VTI1A: variants seen among roughly 807,000 people sequenced by gnomAD.
The protein encoded by VTI1A is vesicle transport through interaction with t-SNAREs 1A.
In VTI1A, 22 loss-of-function variants were observed where a neutral mutation model predicts 34.9. The observed-to-expected ratio is 0.63, with a 90% CI of 0.45 to 0.90. The LOEUF is 0.90. Among genes scored for constraint, VTI1A ranks in the 40% least tolerant of loss-of-function variants. The pLI, the probability that VTI1A is intolerant of heterozygous loss-of-function variation, is 0.00. For missense variants in VTI1A, 268 were observed against 275.6 expected (o/e 0.97, Z 0.20); for synonymous variants, 87 against 97.3 (o/e 0.89, Z 0.62).
At chr10:112,768,534 T>C (rs934469485) in intron 7 of VTI1A, among the ~76,000 whole-genome samples, 1 of 152,200 alleles carries the variant, frequency 6.6e-6, no homozygotes, top group South Asian at 2.1e-4. Context: ...CTTTTTTGCA[T>C]GTTTCCACCC....
Position 112,576,423 on chromosome 10 carries a change from G to T in VTI1A, c.427+38093G>T, listed in dbSNP as rs557785164. Among the ~76,000 whole-genome samples the T allele has an allele frequency of 1.1e-4, 16 of 152,278 alleles. No homozygotes were observed. The East Asian group carries it at 3.1e-3, about 29-fold the overall frequency. ...TTTCTAAGTACCTCCTAGGAGCCAG[G>T]CACTGTGCTAACATTCAGGAAACAC... On this transcript the variant is annotated intron_variant, in intron 5 of 7. Transcript: ENST00000393077.
intron 5 of VTI1A, among the ~76,000 whole-genome samples, chr10:112,570,503 A>G (rs1316433216): frequency 2.6e-5 from 4 of 152,242 alleles, no homozygotes; most frequent in African/African-American, 4.8e-5. Context: ...TATCAAATGT[A>G]TTTTAGATGA....
At chr10:112,713,527 A>G (rs1590104405) in intron 7 of VTI1A, among the ~76,000 whole-genome samples, 1 of 152,154 alleles carries the variant, frequency 6.6e-6, no homozygotes, top group East Asian at 1.9e-4. Flanking sequence ...AACTTGCTCA[A>G]ACTCACACAA....
chr10:112,538,110 G>C, intron 4 of VTI1A, 136 bp from the exon 5 acceptor site: 4 of 665,706 alleles, frequency 6.0e-6, no homozygotes, highest in South Asian at 5.9e-5. Context: ...TGGAAAATTT[G>C]CTAAAAATTA....
chr10:112,679,515 G>T (rs1358963505), intron 7 of VTI1A, among the ~76,000 whole-genome samples: 1 of 151,574 alleles, frequency 6.6e-6, no homozygotes. Flanking sequence ...TAACCTCAGT[G>T]TTCTTTTAAA....
chr10:112,715,212 A>C (rs1178247131), intron 7 of VTI1A, among the ~76,000 whole-genome samples: 3 of 152,142 alleles, frequency 2.0e-5, no homozygotes, highest in Admixed American at 2.0e-4. Flanking sequence ...AATATGAAAA[A>C]CCACAAATTA....
chr10:112,798,796 A>C (rs984939407), intron 7 of VTI1A, among the ~76,000 whole-genome samples: 5 of 152,172 alleles, frequency 3.3e-5, no homozygotes, highest in African/African-American at 1.2e-4. Flanking sequence ...GCAACCCTAC[A>C]AGGCTGCCTT....
chr10:112,472,042 T>C (rs1848108696), intron 3 of VTI1A, among the ~76,000 whole-genome samples: 1 of 152,228 alleles, frequency 6.6e-6, no homozygotes, highest in South Asian at 2.1e-4. Flanking sequence ...GTCTCTGATA[T>C]TGTGCTATGA....
At chr10:112,574,270 A>T (rs1852251701) in intron 5 of VTI1A, among the ~76,000 whole-genome samples, 1 of 152,228 alleles carries the variant, frequency 6.6e-6, no homozygotes. Context: ...AAAGGAAATA[A>T]TATTTGAATG....
In VTI1A at chr10:112,523,627, T is replaced by C. The variant is rs117518648; in HGVS notation, c.265-3460T>C. On this transcript the variant is annotated intron_variant, in intron 3 of 7. Transcript: ENST00000393077. The stretch of plus-strand genomic sequence containing the variant: ...CAAGTATTGTCAGCTGAAGCTTTTC[T>C]ACTCTTATGGTACAGACCAGAAATT... 4.1e-4 allele frequency among the ~76,000 whole-genome samples: 62 copies of C among 152,214 alleles called. No homozygotes were observed. The East Asian group carries it at 0.011, about 28-fold the overall frequency.
At chr10:112,494,569 C>T (rs1039779966) in intron 3 of VTI1A, among the ~76,000 whole-genome samples, 6 of 152,274 alleles carry the variant, frequency 3.9e-5, no homozygotes, top group East Asian at 1.9e-4. Flanking sequence ...AATGCAGTGG[C>T]GCCATCTCAG....
chr10:112,837,149 G>A, the VTI1A span, among the ~76,000 whole-genome samples: 8 of 152,130 alleles, frequency 5.3e-5, no homozygotes, highest in African/African-American at 9.7e-5. Flanking sequence ...GGTGAAACCC[G>A]TCTCTACTAA....
intron 7 of VTI1A, among the ~76,000 whole-genome samples, chr10:112,732,356 G>T (rs765884870): frequency 6.6e-6 from 1 of 152,090 alleles, no homozygotes; most frequent in Non-Finnish European, 1.5e-5. Context: ...CACTTCCTTT[G>T]GGTTCATGTG....
chr10:112,532,796 A>G (rs1850492267), intron 4 of VTI1A, among the ~76,000 whole-genome samples: 1 of 152,100 alleles, frequency 6.6e-6, no homozygotes. Flanking sequence ...AACTGAAGAA[A>G]TCATTCAAAA....
chr10:112,744,917 A>G (rs1188241123), intron 7 of VTI1A, among the ~76,000 whole-genome samples: 1 of 152,204 alleles, frequency 6.6e-6, no homozygotes, highest in Admixed American at 6.5e-5. Flanking sequence ...TGGGACCTGA[A>G]GCATTTACAG....
chr10:112,839,317 G>A, the VTI1A span, among the ~76,000 whole-genome samples: 2 of 152,196 alleles, frequency 1.3e-5, no homozygotes, highest in African/African-American at 4.8e-5. Flanking sequence ...TGACAGTGAT[G>A]GGGGTGGGGT....
intron 1 of VTI1A, among the ~76,000 whole-genome samples, chr10:112,455,269 C>A (rs1589784970): frequency 3.4e-4 from 1 of 2,960 alleles, no homozygotes; most frequent in African/African-American, 1.9e-3. Context: ...CCCTCCCCTC[C>A]CCTCCTCCCC....
chr10:112,811,850 A>G (rs957767825), intron 7 of VTI1A, among the ~76,000 whole-genome samples: 1 of 152,156 alleles, frequency 6.6e-6, no homozygotes, highest in Non-Finnish European at 1.5e-5. Context: ...TGTCCCCTGC[A>G]CTGGAACCAG....
At chr10:112,647,831 G>A (rs925195347) in intron 5 of VTI1A, among the ~76,000 whole-genome samples, 6 of 152,038 alleles carry the variant, frequency 3.9e-5, no homozygotes, top group East Asian at 3.9e-4. Flanking sequence ...GTGCAGTGGC[G>A]CAATCTTGGC....
Sources: gnomAD v4.1 joint callset for allele counts (sites outside exome capture counted in the v4.1 genomes callset) on GRCh38, gnomAD v4.1.1 for gene constraint, MANE v1.5 for transcripts, NCBI Gene and HGNC (gene_info 2026-07-23, HGNC 2026-07-21) for gene names.